Variants in VWA3B observed in about 807,000 individuals in gnomAD.
VWA3B encodes von Willebrand factor A domain-containing protein 3B.
In VWA3B, 138 loss-of-function variants were observed where a neutral mutation model predicts 158.3. That is an observed-to-expected ratio of 0.87 (90% CI 0.76 to 1.00). VWA3B has a LOEUF of 1.00. Ranked by LOEUF, VWA3B falls within the 50% of genes least tolerant of loss-of-function variation. The pLI is 0.00. For missense variants in VWA3B, 1,555 were observed against 1,565.1 expected, an observed-to-expected ratio of 0.99 and a Z score of 0.11; for synonymous variants, 596 against 587.3, an observed-to-expected ratio of 1.01 and a Z score of -0.21.
intron 22 of VWA3B, among the ~76,000 whole-genome samples, chr2:98,271,872 G>C (rs1249264191): frequency 6.6e-6 from 1 of 152,224 alleles, no homozygotes; most frequent in African/African-American, 2.4e-5. Context: ...GTTTGAATGT[G>C]TCCCCCAGAG....
At chr2:98,287,725 A>G (rs187703362) in intron 22 of VWA3B, among the ~76,000 whole-genome samples, 1 of 152,262 alleles carries the variant, frequency 6.6e-6, no homozygotes, top group East Asian at 1.9e-4. Flanking sequence ...TTTTTCTGAA[A>G]TTTCCTGGGG....
At chr2:98,223,702 C>A (rs1684690372) in intron 14 of VWA3B, among the ~76,000 whole-genome samples, 1 of 152,032 alleles carries the variant, frequency 6.6e-6, no homozygotes, top group South Asian at 2.1e-4. Flanking sequence ...AACCATTAAC[C>A]ATGAATTTTA....
intron 7 of VWA3B, among the ~76,000 whole-genome samples, chr2:98,148,780 C>T (rs1181884540): frequency 6.6e-6 from 1 of 152,194 alleles, no homozygotes; most frequent in Non-Finnish European, 1.5e-5. Context: ...TTATATTCTT[C>T]TATATGACAC....
At chr2:98,165,169 G>A (rs536205858) in intron 8 of VWA3B, among the ~76,000 whole-genome samples, 4 of 152,320 alleles carry the variant, frequency 2.6e-5, no homozygotes, top group Non-Finnish European at 4.4e-5. Context: ...CCTGGTGGAC[G>A]CACATACCTT....
intron 2 of VWA3B, among the ~76,000 whole-genome samples, chr2:98,100,404 T>A (rs749359474): frequency 6.6e-6 from 1 of 152,220 alleles, no homozygotes; most frequent in Non-Finnish European, 1.5e-5. Flanking sequence ...TGGATTCTTA[T>A]GGCTGCTGTG....
chr2:98,191,708 A>C (rs976324795), intron 10 of VWA3B, among the ~76,000 whole-genome samples: 2 of 152,070 alleles, frequency 1.3e-5, no homozygotes, highest in Non-Finnish European at 2.9e-5. Flanking sequence ...TCCTTTGGTG[A>C]TTTCTTCCTT....
chr2:98,179,800 T>A (rs1680353533), intron 8 of VWA3B, among the ~76,000 whole-genome samples: 1 of 98,366 alleles, frequency 1.0e-5, no homozygotes, highest in East Asian at 4.2e-4. Context: ...CTTTCTTTCT[T>A]TCTTTCTTTC....
chr2:98,251,195 T>C (rs936787282), intron 20 of VWA3B, among the ~76,000 whole-genome samples: 1 of 152,172 alleles, frequency 6.6e-6, no homozygotes, highest in African/African-American at 2.4e-5. Flanking sequence ...TACCTGAATA[T>C]CTTCAACAAG....
At position 98,093,161 on chromosome 2, in the gene VWA3B, C is replaced by T. The variant is rs752994122; in HGVS notation, c.69C>T (p.Asn23=). The T allele has an allele frequency of 6.2e-7, 1 of 1,614,116 alleles. No individual in the cohort carries two copies. Among genetic ancestry groups the T allele is most frequent in the Non-Finnish European group, 8.5e-7 (1 of 1,180,000 alleles). The change falls in exon 2 of 28, where the codon AAC becomes AAT. Residue 23 remains asparagine (N), a synonymous_variant. Coordinates refer to ENST00000477737, the MANE Select transcript of VWA3B (RefSeq NM_144992.5). ...QQLQRQEGWI[N]TKTDLAEQSL... Reference sequence around the variant, plus strand: ...TGCAGAGGCAAGAGGGATGGATTAACACCAAAACAGACTTGGCTGAGCAGA... The same window carrying T: ...TGCAGAGGCAAGAGGGATGGATTAATACCAAAACAGACTTGGCTGAGCAGA...
intron 8 of VWA3B, chr2:98,179,438 G>A (rs1369369799): frequency 6.8e-6 from 3 of 441,032 alleles, no homozygotes; most frequent in African/African-American, 2.0e-5. Context: ...TGAAGCTAAG[G>A]TGAGTTGTCC....
the VWA3B span, among the ~76,000 whole-genome samples, chr2:98,323,581 G>A: frequency 6.6e-6 from 1 of 151,818 alleles, no homozygotes; most frequent in African/African-American, 2.4e-5. Flanking sequence ...ATAGATTCGA[G>A]AAGCCTAAGG....
intron 21 of VWA3B, among the ~76,000 whole-genome samples, chr2:98,256,655 G>A (rs1254960749): frequency 6.6e-6 from 1 of 152,150 alleles, no homozygotes; most frequent in Non-Finnish European, 1.5e-5. Context: ...ATGCATTTGT[G>A]TAGAAGTTTC....
chr2:98,183,149 A>T (rs17426838), intron 9 of VWA3B, among the ~76,000 whole-genome samples: 34 of 147,858 alleles, frequency 2.3e-4, no homozygotes, highest in Admixed American at 6.0e-4. Context: ...CAACTGTATT[A>T]TGGTAAAGAT....
intron 22 of VWA3B, among the ~76,000 whole-genome samples, chr2:98,282,799 C>T (rs891847104): frequency 6.6e-6 from 1 of 152,158 alleles, no homozygotes; most frequent in Non-Finnish European, 1.5e-5. Flanking sequence ...AGTGAACTTA[C>T]AGGCGTATGA....
chr2:98,092,785 C>A (rs1413081061), intron 1 of VWA3B, among the ~76,000 whole-genome samples: 1 of 130,178 alleles, frequency 7.7e-6, no homozygotes, highest in Non-Finnish European at 1.6e-5. Flanking sequence ...CTACTCTAAA[C>A]CTGTTACGGA....
chr2:98,170,719 G>C (rs1200537949), intron 8 of VWA3B, among the ~76,000 whole-genome samples: 1 of 151,666 alleles, frequency 6.6e-6, no homozygotes, highest in Admixed American at 6.6e-5. Context: ...TGATTGTCCT[G>C]CCTCAGCCTC....
Position 98,206,552 on chromosome 2 carries a change from G to A in VWA3B, c.1738-5378G>A, listed in dbSNP as rs778126038. 1.3e-4 allele frequency: 67 copies of A among 500,840 alleles called. No individual in the cohort carries two copies. The Middle Eastern group carries it at 2.4e-3, about 18-fold the overall frequency. The allele number at this position is 500,840 out of a possible 1,614,324, so 31.0% of individuals were successfully genotyped here. Reference sequence around the variant, plus strand: ...TTCTGGTGCACCAATCGAAAGTCCTGTTGGTCCTGAGACTTTGAGCAGAAT... The same window carrying A: ...TTCTGGTGCACCAATCGAAAGTCCTATTGGTCCTGAGACTTTGAGCAGAAT... On this transcript the variant is annotated intron_variant, in intron 12 of 27. Transcript: ENST00000477737.
intron 8 of VWA3B, among the ~76,000 whole-genome samples, chr2:98,177,284 C>T (rs1680091254): frequency 6.6e-6 from 1 of 152,144 alleles, no homozygotes; most frequent in South Asian, 2.1e-4. Context: ...AGATGTGCTC[C>T]CTTCTCATAA....
the VWA3B span, among the ~76,000 whole-genome samples, chr2:98,324,790 G>A: frequency 1.3e-5 from 2 of 152,012 alleles, no homozygotes; most frequent in African/African-American, 2.4e-5. Flanking sequence ...ATCAGACAAG[G>A]ACTTCATGGC....
Sources: allele counts gnomAD v4.1 joint callset (sites outside exome capture counted in the v4.1 genomes callset), GRCh38; gene constraint gnomAD v4.1.1; transcripts MANE v1.5; gene names NCBI Gene and HGNC (gene_info 2026-07-23, HGNC 2026-07-21).